IGSF9B: variants seen among roughly 807,000 people sequenced by gnomAD.
The protein encoded by IGSF9B is protein turtle homolog B.
Under a neutral mutation model 143.7 loss-of-function variants are expected in IGSF9B, and 48 were observed. The ratio of observed to expected loss-of-function variants is 0.33; its 90% CI spans 0.26 to 0.42. The LOEUF (loss-of-function observed/expected upper bound fraction) is 0.42. Ranked by LOEUF, IGSF9B falls within the 20% of genes least tolerant of loss-of-function variation. The pLI is 1.00. For synonymous variants in IGSF9B, 903 were observed against 833.1 expected, an observed-to-expected ratio of 1.08 and a Z score of -1.44; for missense variants, 1,706 against 1,980.0, an observed-to-expected ratio of 0.86 and a Z score of 2.63.
Position 133,956,789 on chromosome 11 carries a change from C to A in IGSF9B, c.-35G>T. 6 of 1,387,228 alleles carry A rather than the reference C, an allele frequency of 4.3e-6. No homozygotes were observed. Among genetic ancestry groups the A allele is most frequent in the Non-Finnish European group, 5.8e-6 (6 of 1,042,896 alleles). 85.9% of individuals were successfully genotyped at this position (1,387,228 alleles called of 1,614,324 possible). On this transcript the variant is annotated 5_prime_UTR_variant, in exon 1 of 20. Coordinates refer to ENST00000533871, the MANE Select transcript of IGSF9B (RefSeq NM_001277285.4). ...GCGCCAGCCCGGAGCCTCATCCTAT[C>A]GCAAAGTGCTCCCGCGCCCGCACGC...
chr11:133,940,304 G>A (rs553580676), intron 3 of IGSF9B, among the ~76,000 whole-genome samples: 8 of 130,056 alleles, frequency 6.2e-5, no homozygotes, highest in African/African-American at 9.0e-5. Flanking sequence ...GTCCTCGCAC[G>A]CGTCATCGCA....
chr11:133,923,589 G>A (rs943931668), intron 15 of IGSF9B, among the ~76,000 whole-genome samples: 2 of 152,216 alleles, frequency 1.3e-5, no homozygotes, highest in Admixed American at 6.5e-5. Context: ...AGGCAGAATC[G>A]ATAGATTGTA....
At chr11:133,926,377 G>A (rs1957983525) in intron 13 of IGSF9B, among the ~76,000 whole-genome samples, 1 of 152,254 alleles carries the variant, frequency 6.6e-6, no homozygotes, top group South Asian at 2.1e-4. Flanking sequence ...CGGCCGCTCA[G>A]GAGCGGATTC....
chr11:133,937,682 G>A, intron 4 of IGSF9B, 128 bp downstream of exon 4: 2 of 1,240,346 alleles, frequency 1.6e-6, no homozygotes, highest in Admixed American at 2.4e-5. Context: ...CTGCAGCTGA[G>A]CCAGGCTACG....
rs1332792411 is a variant in IGSF9B at position 133,936,176 on chromosome 11, G to A, written c.698C>T (p.Ser233Phe). 1.9e-6 allele frequency: 3 copies of A among 1,611,044 alleles called. No individual in the cohort carries two copies. The highest frequency in any genetic ancestry group is 1.3e-5 in the African/African-American group (1 of 74,826). The change falls in exon 6 of 20, where the codon TCC becomes TTC. Residue 233 changes from serine (S) to phenylalanine (F), a missense_variant. Coordinates refer to ENST00000533871, the MANE Select transcript of IGSF9B (RefSeq NM_001277285.4). ...LLVQGPPFIVSPPENITVNIS... is the reference protein window; with the variant it reads ...LLVQGPPFIVFPPENITVNIS... ...GTTGACGGTGATGTTCTCAGGAGGGGAGACGATGAAAGGGGGCCCTGGGGA... is the reference window on the plus strand; with the variant it reads ...GTTGACGGTGATGTTCTCAGGAGGGAAGACGATGAAAGGGGGCCCTGGGGA...
chr11:133,937,692 G>A lies in IGSF9B; in HGVS notation c.561+118C>T, dbSNP rs372321090. On this transcript the variant is annotated intron_variant, in intron 4 of 19. Coordinates refer to ENST00000533871, the MANE Select transcript of IGSF9B (RefSeq NM_001277285.4). ...GACGCCTGCAGCTGAGCCAGGCTACGGCTTTCCAGCCTCCTCTGTGCTTGT... is the reference window on the plus strand; with the variant it reads ...GACGCCTGCAGCTGAGCCAGGCTACAGCTTTCCAGCCTCCTCTGTGCTTGT... 1.0e-4 allele frequency: 132 copies of A among 1,310,316 alleles called. 1 individual carries two copies. The East Asian group carries it at 1.3e-3, about 13-fold the overall frequency. The allele number at this position is 1,310,316 out of a possible 1,614,324, so 81.2% of individuals were successfully genotyped here. A position where few individuals can be genotyped will look rare whatever the true frequency, so the allele number is the denominator to read the frequency against.
Position 133,931,233 on chromosome 11 carries a change from G to A in IGSF9B, c.1369-99C>T, listed in dbSNP as rs756783821. The A allele has an allele frequency of 2.1e-5, 26 of 1,210,712 alleles. No individual in the cohort carries two copies. Among genetic ancestry groups the A allele is most frequent in the East Asian group, 2.1e-4 (9 of 42,144 alleles). The allele number at this position is 1,210,712 out of a possible 1,614,324, so 75.0% of individuals were successfully genotyped here. A position where few individuals can be genotyped will look rare whatever the true frequency, so the allele number is the denominator to read the frequency against. On this transcript the variant is annotated intron_variant, in intron 10 of 19. Coordinates refer to ENST00000533871, the MANE Select transcript of IGSF9B (RefSeq NM_001277285.4). The surrounding 1 kb of genome is among the most constrained non-coding windows in gnomAD (Gnocchi z 7.7). Reference sequence around the variant, plus strand: ...GAGGACGCGCCTGAGACCCCGGCCCGCCCACGCTGCCCTCCTCCCGAGTGC... The same window carrying A: ...GAGGACGCGCCTGAGACCCCGGCCCACCCACGCTGCCCTCCTCCCGAGTGC...
At chr11:133,954,074 C>T (rs1203866640) in intron 1 of IGSF9B, among the ~76,000 whole-genome samples, 2 of 152,188 alleles carry the variant, frequency 1.3e-5, no homozygotes, top group Non-Finnish European at 2.9e-5. Context: ...ATCTCAAAGT[C>T]CCTCCTGCTG....
Position 133,909,306 on chromosome 11 carries a change from G to A in IGSF9B, c.4106-29C>T. The A allele has an allele frequency of 6.6e-7, 1 of 1,508,816 alleles. No individual in the cohort carries two copies. The highest frequency in any genetic ancestry group is 8.9e-7 in the Non-Finnish European group (1 of 1,122,322). 93.5% of individuals were successfully genotyped at this position (1,508,816 alleles called of 1,614,324 possible). On this transcript the variant is annotated intron_variant, in intron 19 of 19. Transcript: ENST00000533871. This position sits in a 1 kb window ranked among gnomAD's most constrained non-coding sequence, Gnocchi z 4.2. ...GGAAGAAAGGAAGAGGGACGCAAAAGAGAAGCAAGCGGATGAAAAGGAAGC... is the reference window on the plus strand; with the variant it reads ...GGAAGAAAGGAAGAGGGACGCAAAAAAGAAGCAAGCGGATGAAAAGGAAGC...
intron 1 of IGSF9B, among the ~76,000 whole-genome samples, chr11:133,949,540 C>T (rs1940120860): frequency 6.6e-6 from 1 of 152,146 alleles, no homozygotes; most frequent in Non-Finnish European, 1.5e-5. Flanking sequence ...AACCCACATC[C>T]AGGAGCAAAA....
In IGSF9B at chr11:133,920,839, G is replaced by A. The variant is rs1458659253; in HGVS notation, c.2886C>T (p.His962=). 1 of 1,601,264 alleles carries A rather than the reference G, an allele frequency of 6.2e-7. No homozygotes were observed. The highest frequency in any genetic ancestry group is 8.5e-7 in the Non-Finnish European group (1 of 1,173,112). The change falls in exon 18 of 20, where the codon CAC becomes CAT. Residue 962 remains histidine, a synonymous_variant. Coordinates refer to ENST00000533871, the MANE Select transcript of IGSF9B (RefSeq NM_001277285.4). ...TGAGGTACCCATAATACTGGCCATG[G>A]TGGAAGGGCCGGGGGGCAGGGGGCC... is the stretch of plus-strand genomic sequence containing the variant. ...QARPPAPRPF[H]HGQYYGYLSS...
Position 133,922,211 on chromosome 11 carries a change from A to C in IGSF9B, c.2293T>G (p.Ser765Ala). The C allele has an allele frequency of 6.2e-7, 1 of 1,612,912 alleles. No homozygotes were observed. The stretch of plus-strand genomic sequence containing the variant: ...AGGCTCTTCCTGCAGTGGGTGATGG[A>C]GAGTGGAGGGTCTGGAAGGAAAGAG... ...KLKRKKDPPL[S>A]ITHCRKSLES... The change falls in exon 17 of 20, where the codon TCC becomes GCC. Residue 765 changes from serine to alanine, a missense_variant. Ser to Ala is a moderately conservative substitution (Grantham distance 99). Around this residue, in one of 7 missense-constraint regions of IGSF9B, gnomAD observed 135 missense variants for 181.3 expected, o/e 0.74. Coordinates refer to ENST00000533871, the MANE Select transcript of IGSF9B (RefSeq NM_001277285.4).
chr11:133,932,332 GCAGACAGA>G (rs569679911), intron 7 of IGSF9B, 119 bp from the exon 8 acceptor site: 53 of 1,047,004 alleles, frequency 5.1e-5, no homozygotes, highest in South Asian at 3.7e-4. Flanking sequence ...AGGTGGGAGA[GCAGACAGA>G]CAGACAGACA....
In IGSF9B at chr11:133,911,872, T is replaced by C; in HGVS notation, c.4105+14A>G. The C allele has an allele frequency of 6.6e-7, 1 of 1,519,586 alleles. No homozygotes were observed. The highest frequency in any genetic ancestry group is 8.8e-7 in the Non-Finnish European group (1 of 1,140,488). 94.1% of individuals were successfully genotyped at this position (1,519,586 alleles called of 1,614,324 possible). On this transcript the variant is annotated intron_variant, in intron 19 of 19. Coordinates refer to ENST00000533871, the MANE Select transcript of IGSF9B (RefSeq NM_001277285.4). ...AGGTGGGAGGAGCGGGGCGGGCCACTGCCCATCATTTACCGGATCGTTTCT... is the reference window on the plus strand; with the variant it reads ...AGGTGGGAGGAGCGGGGCGGGCCACCGCCCATCATTTACCGGATCGTTTCT...
intron 11 of IGSF9B, among the ~76,000 whole-genome samples, chr11:133,930,675 C>T (rs1486226907): frequency 6.6e-6 from 1 of 152,168 alleles, no homozygotes; most frequent in Non-Finnish European, 1.5e-5. Context: ...CCCTAAGGCC[C>T]TTAAACTCAA....
rs568704022 is a variant in IGSF9B, at chr11:133,936,991, G to A, written c.679+385C>T. ...TGTGTTATTTAAATGTCTGGGGCTT[G>A]GATTGAGTTTCTATCTTTATTTATT... On this transcript the variant is annotated intron_variant, in intron 5 of 19. Coordinates refer to ENST00000533871, the MANE Select transcript of IGSF9B (RefSeq NM_001277285.4). Among the ~76,000 whole-genome samples the A allele has an allele frequency of 4.6e-5, 7 of 152,362 alleles. No homozygotes were observed. In the East Asian group the frequency reaches 7.7e-4, roughly 17 times the overall value.
At position 133,902,567 on chromosome 11, in the gene IGSF9B, C is replaced by CACACACAGACATGCACA. The variant is rs1939155892; in HGVS notation, c.*6501_*6502insTGTGCATGTCTGTGTGT. Among the ~76,000 whole-genome samples the CACACACAGACATGCACA allele has an allele frequency of 9.1e-6, 1 of 109,564 alleles. No homozygotes were observed. Among genetic ancestry groups the CACACACAGACATGCACA allele is most frequent in the Admixed American group, 8.4e-5 (1 of 11,854 alleles). The allele number at this position is 109,564 out of a possible 152,430, so 71.9% of individuals were successfully genotyped here. A position where few individuals can be genotyped will look rare whatever the true frequency, so the allele number is the denominator to read the frequency against. ...ACACACACCACATACACACACACAC[C>CACACACAGACATGCACA]CCACACACACACACACACACCCCAC... On this transcript the variant is annotated 3_prime_UTR_variant, in exon 20 of 20. Coordinates refer to ENST00000533871, the MANE Select transcript of IGSF9B (RefSeq NM_001277285.4).
intron 7 of IGSF9B, among the ~76,000 whole-genome samples, chr11:133,934,561 G>T (rs950459354): frequency 6.6e-6 from 1 of 152,218 alleles, no homozygotes; most frequent in Non-Finnish European, 1.5e-5. Context: ...AGTGGCTGAC[G>T]GCAGACGCAG....
At position 133,927,107 on chromosome 11, in the gene IGSF9B, A is replaced by C; in HGVS notation, c.1632-16T>G. Reference sequence around the variant, plus strand: ...CCGCTTCATCCTGGCCAAAAGAGAGAGACAGGATAGGGGACGAGGGGCGGG... The same window carrying C: ...CCGCTTCATCCTGGCCAAAAGAGAGCGACAGGATAGGGGACGAGGGGCGGG... On this transcript the variant is annotated splice_polypyrimidine_tract_variant and intron_variant, in intron 12 of 19. Transcript: ENST00000533871. 6.5e-7 allele frequency: 1 copy of C among 1,540,580 alleles called. No homozygotes were observed. The highest frequency in any genetic ancestry group is 1.2e-5 in the South Asian group (1 of 83,802).
Sources: gnomAD v4.1 joint callset for allele counts (sites outside exome capture counted in the v4.1 genomes callset) on GRCh38, gnomAD v4.1.1 for gene constraint, gnomAD v4.1.1 regional missense constraint, Gnocchi (gnomAD v3.1) non-coding constraint, MANE v1.5 for transcripts, NCBI Gene and HGNC (gene_info 2026-07-23, HGNC 2026-07-21) for gene names.